The following SLC5A8 variants were observed in gnomAD, a reference collection of about 807,000 sequenced individuals.
The protein encoded by SLC5A8 is sodium-coupled monocarboxylate transporter 1.
SLC5A8 carries 55 observed loss-of-function variants against 71.9 expected under a neutral mutation model. The ratio of observed to expected loss-of-function variants is 0.77; its 90% CI spans 0.62 to 0.96. The LOEUF is 0.96. Ranked by LOEUF, SLC5A8 falls within the 40% of genes least tolerant of loss-of-function variation. The pLI is 0.00. For missense variants in SLC5A8, 701 were observed against 745.3 expected (o/e 0.94, Z 0.69); for synonymous variants, 307 against 276.1 (o/e 1.11, Z -1.11).
intron 10 of SLC5A8, among the ~76,000 whole-genome samples, chr12:101,171,077 A>G (rs1402325641): frequency 6.6e-6 from 1 of 152,220 alleles, no homozygotes; most frequent in East Asian, 1.9e-4. Flanking sequence ...CTGACAGACC[A>G]GGAGGGTTTT....
chr12:101,207,521 A>G (rs1307685745), intron 1 of SLC5A8, among the ~76,000 whole-genome samples: 1 of 152,186 alleles, frequency 6.6e-6, no homozygotes, highest in African/African-American at 2.4e-5. Flanking sequence ...CTTAGCCTCT[A>G]CCACTGCAAG....
intron 10 of SLC5A8, among the ~76,000 whole-genome samples, chr12:101,175,435 G>A (rs2051870624): frequency 6.6e-6 from 1 of 152,004 alleles, no homozygotes; most frequent in African/African-American, 2.4e-5. Context: ...TTTGATAAGA[G>A]ACATAAATCT....
intron 7 of SLC5A8, among the ~76,000 whole-genome samples, chr12:101,184,762 C>T (rs1030828758): frequency 7.2e-5 from 11 of 152,086 alleles, no homozygotes; most frequent in South Asian, 4.1e-4. Context: ...GCATCAGGTA[C>T]GAGACATAAT....
rs1410620759 is a variant in SLC5A8, at chr12:101,200,031, AAAAAAAAAAAAAAAAAAAAAAAAG to A, written c.469+2109_469+2132del. ...CAGCAAAAAAAAAAAAAAAAAAAAA[AAAAAAAAAAAAAAAAAAAAAAAAG>A]GGAATGAACTACTGATATATATGTA... On this transcript the variant is annotated intron_variant, in intron 3 of 14. Transcript: ENST00000536262. Among the ~76,000 whole-genome samples, 166 of 99,714 alleles carry A rather than the reference AAAAAAAAAAAAAAAAAAAAAAAAG, an allele frequency of 1.7e-3. 6 individuals are homozygous for A. The highest frequency in any genetic ancestry group is 2.0e-3 in the South Asian group (6 of 2,956). The allele number at this position is 99,714 out of a possible 152,430, so 65.4% of individuals were successfully genotyped here. A position where few individuals can be genotyped will look rare whatever the true frequency, so the allele number is the denominator to read the frequency against.
chr12:101,176,806 T>C (rs140901383), intron 10 of SLC5A8, among the ~76,000 whole-genome samples: 109 of 152,166 alleles, frequency 7.2e-4, no homozygotes, highest in African/African-American at 2.4e-3. Context: ...AAGGAAATTT[T>C]CAGCAATAAA....
intron 4 of SLC5A8, among the ~76,000 whole-genome samples, chr12:101,194,503 C>T (rs1171148268): frequency 6.6e-6 from 1 of 152,180 alleles, no homozygotes; most frequent in Non-Finnish European, 1.5e-5. Flanking sequence ...GTTTTCTTTG[C>T]TGCCCAAGCG....
intron 2 of SLC5A8, among the ~76,000 whole-genome samples, 198 bp from the exon 3 acceptor site, chr12:101,202,413 G>A (rs999007745): frequency 2.6e-5 from 4 of 152,070 alleles, no homozygotes; most frequent in African/African-American, 7.2e-5. Flanking sequence ...GGTATGACCG[G>A]TCATAAGTTA....
chr12:101,190,847 G>T (rs1047739847), intron 5 of SLC5A8, among the ~76,000 whole-genome samples: 13 of 152,062 alleles, frequency 8.5e-5, no homozygotes, highest in African/African-American at 3.1e-4. Flanking sequence ...AATGAATGTT[G>T]CAATCCTTCT....
At chr12:101,160,704 C>T (rs1182196696) in intron 13 of SLC5A8, among the ~76,000 whole-genome samples, 2 of 152,074 alleles carry the variant, frequency 1.3e-5, no homozygotes, top group East Asian at 3.9e-4. Flanking sequence ...CCCCTACAGA[C>T]TATTCTCAAA....
chr12:101,168,711 A>G (rs2051797164), intron 10 of SLC5A8, among the ~76,000 whole-genome samples: 1 of 152,236 alleles, frequency 6.6e-6, no homozygotes, highest in Non-Finnish European at 1.5e-5. Flanking sequence ...TTAAAATCTA[A>G]TTAGATAACT....
Position 101,182,840 on chromosome 12 carries a change from G to C in SLC5A8, c.1128C>G (p.Leu376=). 5 of 1,594,238 alleles carry C rather than the reference G, an allele frequency of 3.1e-6. No homozygotes were observed. Among genetic ancestry groups the C allele is most frequent in the Non-Finnish European group, 4.3e-6 (5 of 1,173,012 alleles). ...AAATCCAAGACAGAGACCTTTCTGA[G>C]AGCGATCTGAAGTAAGGTTTGATTA... is the stretch of plus-strand genomic sequence containing the variant. The part of the protein sequence containing the change: ...EDLIKPYFRS[L]SERSLSWISQ... The change falls in exon 9 of 15, where the codon CTC becomes CTG. Residue 376 remains leucine, a synonymous_variant. Transcript: ENST00000536262.
At chr12:101,159,449 G>C (rs1416717168) in intron 13 of SLC5A8, among the ~76,000 whole-genome samples, 2 of 152,154 alleles carry the variant, frequency 1.3e-5, no homozygotes, top group Non-Finnish European at 2.9e-5. Context: ...GTAAAAATCA[G>C]GGGAGTGCTG....
At chr12:101,174,334 G>A (rs2051859359) in intron 10 of SLC5A8, among the ~76,000 whole-genome samples, 1 of 152,166 alleles carries the variant, frequency 6.6e-6, no homozygotes, top group Non-Finnish European at 1.5e-5. Context: ...TGCTCAATCG[G>A]TTTATTCTGG....
At chr12:101,193,448 T>C (rs1869009779) in intron 5 of SLC5A8, among the ~76,000 whole-genome samples, 177 bp downstream of exon 5, 1 of 152,258 alleles carries the variant, frequency 6.6e-6, no homozygotes, top group Non-Finnish European at 1.5e-5. Context: ...ACAGGTTTAA[T>C]CCCTTAAAGA....
In SLC5A8 at chr12:101,166,641, G is replaced by A; in HGVS notation, c.1379C>T (p.Ala460Val). ...FAISLWVGIG[A>V]QIYPPLPERT... The stretch of plus-strand genomic sequence containing the variant: ...CTCAGGAAGTGGAGGATATATTTGA[G>A]CTCCAATTCCAACCCATAGAGAAAT... Residue 460 changes from alanine (A) to valine (V), a missense_variant, in exon 12 of 15, where the codon GCT becomes GTT. Physicochemically the swap from Ala to Val is moderately conservative, Grantham distance 64. Coordinates refer to ENST00000536262, the MANE Select transcript of SLC5A8 (RefSeq NM_145913.5). 1 of 1,613,598 alleles carries A rather than the reference G, an allele frequency of 6.2e-7. No individual in the cohort carries two copies. The highest frequency in any genetic ancestry group is 8.5e-7 in the Non-Finnish European group (1 of 1,179,862).
chr12:101,167,427 C>T (rs1302202905), intron 11 of SLC5A8, among the ~76,000 whole-genome samples: 2 of 152,214 alleles, frequency 1.3e-5, no homozygotes, highest in Admixed American at 1.3e-4. Context: ...ACTGCACATA[C>T]ATTATCAGTT....
At chr12:101,173,463 A>G in intron 10 of SLC5A8, among the ~76,000 whole-genome samples, 1 of 152,186 alleles carries the variant, frequency 6.6e-6, no homozygotes, top group South Asian at 2.1e-4. Context: ...GTAAGCCAGC[A>G]CACCCAGGAT....
intron 7 of SLC5A8, 59 bp from the exon 8 acceptor site, chr12:101,184,281 G>T: frequency 7.4e-7 from 1 of 1,353,824 alleles, no homozygotes; most frequent in Non-Finnish European, 1.1e-6. Context: ...ATTAATGAAT[G>T]CCTAGTTTAT....
At chr12:101,178,817 C>G (rs1217893153) in intron 10 of SLC5A8, among the ~76,000 whole-genome samples, 1 of 135,824 alleles carries the variant, frequency 7.4e-6, no homozygotes, top group South Asian at 2.3e-4. Context: ...AGACTTTATC[C>G]AAACTAAAAA....
Sources: gnomAD v4.1 joint callset for allele counts (sites outside exome capture counted in the v4.1 genomes callset) on GRCh38, gnomAD v4.1.1 for gene constraint, MANE v1.5 for transcripts, NCBI Gene and HGNC (gene_info 2026-07-23, HGNC 2026-07-21) for gene names.